Variants in DOCK8 observed in about 807,000 individuals in gnomAD.
The protein encoded by DOCK8 is dedicator of cytokinesis 8, also known as dedicator of cytokinesis protein 8.
DOCK8 carries 141 observed loss-of-function variants against 245.6 expected under a neutral mutation model. The ratio of observed to expected loss-of-function variants is 0.57; its 90% CI spans 0.50 to 0.66. The LOEUF (loss-of-function observed/expected upper bound fraction) is 0.66, where lower values mean the gene tolerates loss of function less well. DOCK8 is among the 30% of genes least tolerant of loss of function. The pLI is 0.00. For synonymous variants in DOCK8, 1,168 were observed against 970.2 expected, an observed-to-expected ratio of 1.20 and a Z score of -3.79; for missense variants, 2,965 against 2,603.4, an observed-to-expected ratio of 1.14 and a Z score of -3.02.
At chr9:212,259 C>T (rs902234178), upstream of DOCK8, among the ~76,000 whole-genome samples, 6 of 152,016 alleles carry the variant, frequency 3.9e-5, no homozygotes, top group African/African-American at 1.5e-4. Context: ...AGAAAGAGGT[C>T]GGCTTTCTGG....
intron 7 of DOCK8, among the ~76,000 whole-genome samples, chr9:323,295 C>T (rs1471356008): frequency 1.5e-5 from 2 of 137,778 alleles, no homozygotes; most frequent in Admixed American, 7.9e-5. Flanking sequence ...ATGATCTCGG[C>T]TCACTGCAAC....
intron 14 of DOCK8, 50 bp downstream of exon 14, chr9:340,371 A>T (rs760123227): frequency 2.6e-5 from 42 of 1,611,164 alleles, no homozygotes; most frequent in Non-Finnish European, 3.1e-5. Context: ...CCATAATCCC[A>T]TAACTTTGGG....
intron 18 of DOCK8, among the ~76,000 whole-genome samples, chr9:373,198 G>A (rs913068046): frequency 2.0e-5 from 3 of 151,964 alleles, no homozygotes; most frequent in Non-Finnish European, 4.4e-5. Context: ...AATAAAGGGA[G>A]CCCAGGGGAC....
chr9:234,693 T>A (rs2047205121), intron 1 of DOCK8, among the ~76,000 whole-genome samples: 1 of 152,238 alleles, frequency 6.6e-6, no homozygotes, highest in South Asian at 2.1e-4. Context: ...TCACATCGGC[T>A]ACTGAGGCTT....
At chr9:349,187 T>G (rs2131000626) in intron 14 of DOCK8, among the ~76,000 whole-genome samples, 1 of 152,340 alleles carries the variant, frequency 6.6e-6, no homozygotes, top group African/African-American at 2.4e-5. Flanking sequence ...GACTGTGTTT[T>G]GACAGCGTAA....
rs111954577 is a variant in DOCK8, at chr9:221,736, C to A, written c.53+6707C>A. Among the ~76,000 whole-genome samples the A allele has an allele frequency of 3.9e-3, 596 of 151,224 alleles. 5 individuals carry two copies. Among genetic ancestry groups the A allele is most frequent in the African/African-American group, 0.013 (536 of 41,162 alleles). On this transcript the variant is annotated intron_variant, in intron 1 of 47. Coordinates refer to ENST00000432829, the MANE Select transcript of DOCK8 (RefSeq NM_203447.4). ...ACTCAGGAGGTTGAGGCAGGAGAAT[C>A]GCTTGAACCTGGGAGGCGGAAGTTG... is the stretch of plus-strand genomic sequence containing the variant.
Position 237,772 on chromosome 9 carries a change from G to GT in DOCK8, c.53+22752dup, listed in dbSNP as rs561400934. On this transcript the variant is annotated intron_variant, in intron 1 of 47. Transcript: ENST00000432829. ...GATAAGCAGCCGGGTTGTTCAGCCAGTTTTTTTTTCTGAGAACAACCAATT... is the reference window on the plus strand; with the variant it reads ...GATAAGCAGCCGGGTTGTTCAGCCAGTTTTTTTTTTCTGAGAACAACCAATT... Among the ~76,000 whole-genome samples the GT allele has an allele frequency of 2.4e-3, 356 of 151,484 alleles. 1 individual carries two copies. The highest frequency in any genetic ancestry group is 8.3e-3 in the African/African-American group (342 of 41,324).
chr9:354,750 C>T (rs1255923251), intron 14 of DOCK8, among the ~76,000 whole-genome samples: 1 of 152,156 alleles, frequency 6.6e-6, no homozygotes, highest in Non-Finnish European at 1.5e-5. Context: ...CCTTAAGTTC[C>T]TTAACATGTT....
At chr9:427,448 T>C (rs1259629674) in intron 34 of DOCK8, among the ~76,000 whole-genome samples, 1 of 152,224 alleles carries the variant, frequency 6.6e-6, no homozygotes. Flanking sequence ...CTTAAATTTG[T>C]TAAGGAAAGT....
intron 14 of DOCK8, among the ~76,000 whole-genome samples, chr9:341,699 T>C (rs1485196122): frequency 6.6e-6 from 1 of 152,198 alleles, no homozygotes; most frequent in Non-Finnish European, 1.5e-5. Flanking sequence ...GACTTCACAC[T>C]CTAGGTCAGG....
At chr9:236,412 A>G (rs917333088) in intron 1 of DOCK8, among the ~76,000 whole-genome samples, 1 of 152,202 alleles carries the variant, frequency 6.6e-6, no homozygotes, top group Admixed American at 6.5e-5. Context: ...AGCCCAGCAC[A>G]TTGTCACCCC....
At chr9:447,856 G>C (rs1031460626) in intron 44 of DOCK8, among the ~76,000 whole-genome samples, 5 of 152,194 alleles carry the variant, frequency 3.3e-5, no homozygotes, top group African/African-American at 1.2e-4. Context: ...TTTCACAGAA[G>C]CTGAAGAAAG....
In DOCK8 at chr9:442,372, A is replaced by G. The variant is rs562708611; in HGVS notation, c.5490+363A>G. 3.5e-4 allele frequency among the ~76,000 whole-genome samples: 54 copies of G among 152,320 alleles called. 1 individual carries two copies. The highest frequency in any genetic ancestry group is 1.3e-3 in the African/African-American group (52 of 41,572). ...AGATAGAGAGTAGTAGAGTTTTTCA[A>G]CATGAAGTTTAGCATCTTGACTTTG... On this transcript the variant is annotated intron_variant, in intron 42 of 47. Transcript: ENST00000432829.
Position 434,993 on chromosome 9 carries a change from T to A in DOCK8, c.5079+18T>A. 2 of 1,611,314 alleles carry A rather than the reference T, an allele frequency of 1.2e-6. No individual in the cohort carries two copies. The highest frequency in any genetic ancestry group is 2.2e-5 in the South Asian group (2 of 90,944). ...GCTTCCAGGTAGGGTGTGTGCAGCT[T>A]TTCCCTTAGAGCAGTGGTTCTCAAC... On this transcript the variant is annotated intron_variant, in intron 39 of 47. Transcript: ENST00000432829.
chr9:266,364 GGAATGAATGAAT>G (rs3046373), intron 1 of DOCK8, among the ~76,000 whole-genome samples: 5 of 151,262 alleles, frequency 3.3e-5, no homozygotes, highest in African/African-American at 4.9e-5. Flanking sequence ...TTCTCAGTGT[GGAATGAATGAAT>G]GAATGAATGA....
At chr9:277,465 A>AGGGGAGGGGAGGGGAGGGGAGGG (rs2048395519) in intron 2 of DOCK8, among the ~76,000 whole-genome samples, 6 of 64,660 alleles carry the variant, frequency 9.3e-5, no homozygotes, top group African/African-American at 4.5e-4. Context: ...AAGAGAGAAG[A>AGGGGAGGGGAGGGGAGGGGAGGG]GAAGAGAAGA....
chr9:428,275 A>G lies in DOCK8; in HGVS notation c.4339-87A>G, dbSNP rs2056572410. On this transcript the variant is annotated intron_variant, in intron 34 of 47. Coordinates refer to ENST00000432829, the MANE Select transcript of DOCK8 (RefSeq NM_203447.4). ...TAAGACTCACCACTGGACATGGAAC[A>G]TCAGCATTACTGAGCTAATTGTCAG... 1.4e-5 allele frequency: 23 copies of G among 1,604,806 alleles called. No homozygotes were observed. In the South Asian group the frequency reaches 2.4e-4, roughly 17 times the overall value.
chr9:246,982 GA>G (rs1228645790), intron 1 of DOCK8, among the ~76,000 whole-genome samples: 1 of 151,662 alleles, frequency 6.6e-6, no homozygotes, highest in Non-Finnish European at 1.5e-5. Context: ...TGATACCACA[GA>G]AAAAAAATGA....
At chr9:430,904 C>G (rs893285869) in intron 36 of DOCK8, among the ~76,000 whole-genome samples, 1 of 152,220 alleles carries the variant, frequency 6.6e-6, no homozygotes, top group Middle Eastern at 3.4e-3. Flanking sequence ...GTGTCTTGCT[C>G]TGTCACCCAG....
Sources: gnomAD v4.1 joint callset for allele counts (sites outside exome capture counted in the v4.1 genomes callset) on GRCh38, gnomAD v4.1.1 for gene constraint, MANE v1.5 for transcripts, NCBI Gene and HGNC (gene_info 2026-07-23, HGNC 2026-07-21) for gene names.